The following ZPBP variants were observed in gnomAD, a reference collection of about 807,000 sequenced individuals.
The protein encoded by ZPBP is zona pellucida-binding protein 1.
Under a neutral mutation model 44.8 loss-of-function variants are expected in ZPBP, and 26 were observed. The ratio of observed to expected loss-of-function variants is 0.58; its 90% confidence interval spans 0.43 to 0.81. ZPBP has a LOEUF of 0.81. Ranked by LOEUF, ZPBP falls within the 30% of genes least tolerant of loss-of-function variation. The pLI is 0.00. For synonymous variants in ZPBP, 174 were observed against 153.2 expected, an observed-to-expected ratio of 1.14 and a Z score of -1.00; for missense variants, 409 against 434.0, an observed-to-expected ratio of 0.94 and a Z score of 0.51.
intron 2 of ZPBP, among the ~76,000 whole-genome samples, chr7:49,888,096 G>A (rs997310997): frequency 6.6e-6 from 1 of 152,196 alleles, no homozygotes; most frequent in Non-Finnish European, 1.5e-5. Context: ...ACTCTTCTCA[G>A]CCTCTTCAGT....
intron 6 of ZPBP, among the ~76,000 whole-genome samples, chr7:49,990,022 T>A (rs1797490034): frequency 6.6e-6 from 1 of 152,108 alleles, no homozygotes; most frequent in African/African-American, 2.4e-5. Context: ...CAGTTTATGA[T>A]AAAGAGTCCC....
chr7:49,990,086 A>G (rs911616768), intron 6 of ZPBP, among the ~76,000 whole-genome samples: 1 of 152,204 alleles, frequency 6.6e-6, no homozygotes, highest in Non-Finnish European at 1.5e-5. Context: ...TCAAAGCCCT[A>G]GGAAAGAAAA....
At chr7:49,870,066 A>G (rs985231188) in intron 2 of ZPBP, among the ~76,000 whole-genome samples, 4 of 152,226 alleles carry the variant, frequency 2.6e-5, no homozygotes, top group Non-Finnish European at 5.9e-5. Flanking sequence ...AGAAGACAGA[A>G]GTGTAGTACT....
intron 2 of ZPBP, among the ~76,000 whole-genome samples, chr7:49,877,429 T>TC (rs773889164): frequency 2.8e-4 from 32 of 115,970 alleles, no homozygotes; most frequent in Non-Finnish European, 4.8e-4. Flanking sequence ...ACCATTGCAT[T>TC]CCAGCCTGGG....
chr7:49,935,853 T>C (rs963430329), downstream of ZPBP: 2 of 152,208 alleles, frequency 1.3e-5, no homozygotes, highest in Non-Finnish European at 2.9e-5. Context: ...TCTCCTCTTA[T>C]CTGGGGTCAC....
At chr7:49,986,550 A>C (rs942513602) in intron 6 of ZPBP, among the ~76,000 whole-genome samples, 2 of 152,196 alleles carry the variant, frequency 1.3e-5, no homozygotes, top group East Asian at 3.9e-4. Flanking sequence ...ACAGCAATTA[A>C]GTTTCCCTCC....
chr7:50,089,789 T>C lies in ZPBP; in HGVS notation c.128-80A>G, dbSNP rs1460682321. 11 of 1,135,344 alleles carry C rather than the reference T, an allele frequency of 9.7e-6. No homozygotes were observed. The Admixed American group carries it at 1.4e-4, about 14-fold the overall frequency. The allele number at this position is 1,135,344 out of a possible 1,614,324, so 70.3% of individuals were successfully genotyped here. On this transcript the variant is annotated intron_variant, in intron 1 of 7. Coordinates refer to ENST00000046087, the MANE Select transcript of ZPBP (RefSeq NM_007009.3). ...ATATACTATTACAGTATCTTTGGTATTGGTTGAAGGGGAGAGCCATAATTC... is the reference window on the plus strand; with the variant it reads ...ATATACTATTACAGTATCTTTGGTACTGGTTGAAGGGGAGAGCCATAATTC...
At chr7:50,030,980 G>A (rs1799580064) in intron 5 of ZPBP, 112 bp downstream of exon 5, 1 of 870,268 alleles carries the variant, frequency 1.1e-6, no homozygotes, top group African/African-American at 1.7e-5. Flanking sequence ...AATATATTTG[G>A]ATGTATGGTG....
chr7:49,875,046 T>G (rs1456602129), intron 2 of ZPBP, among the ~76,000 whole-genome samples: 2 of 151,480 alleles, frequency 1.3e-5, no homozygotes, highest in Admixed American at 6.6e-5. Flanking sequence ...AACTTGTTTC[T>G]GTGAAAAAAA....
At chr7:50,021,079 A>C (rs965445163) in intron 5 of ZPBP, among the ~76,000 whole-genome samples, 1 of 152,106 alleles carries the variant, frequency 6.6e-6, no homozygotes. Context: ...TATCCATTAC[A>C]ATATTTTAAA....
intron 7 of ZPBP, among the ~76,000 whole-genome samples, chr7:49,981,651 T>TAGTATATAA (rs1562820427): frequency 6.4e-5 from 3 of 46,646 alleles, no homozygotes; most frequent in African/African-American, 3.6e-4. Context: ...ATATAATATC[T>TAGTATATAA]TGATATAAAA....
At chr7:49,968,918 A>C (rs1796171866) in intron 7 of ZPBP, among the ~76,000 whole-genome samples, 1 of 152,050 alleles carries the variant, frequency 6.6e-6, no homozygotes, top group East Asian at 1.9e-4. Flanking sequence ...TCTCATAGAC[A>C]TAGGATGAAT....
At chr7:49,957,809 C>T (rs1237218758) in intron 7 of ZPBP, among the ~76,000 whole-genome samples, 3 of 152,196 alleles carry the variant, frequency 2.0e-5, no homozygotes, top group African/African-American at 2.4e-5. Flanking sequence ...AGTAGAGCCA[C>T]GAGAGCAAGG....
At position 50,000,419 on chromosome 7, in the gene ZPBP, C is replaced by T. The variant is rs184560918; in HGVS notation, c.784-16900G>A. ...ACTTGTTTAAAGAATTTTTTGATGA[C>T]CGCACCAACTTGATTTATATTCCTA... On this transcript the variant is annotated intron_variant, in intron 6 of 7. Transcript: ENST00000046087. Among the ~76,000 whole-genome samples, 34 of 152,158 alleles carry T rather than the reference C, an allele frequency of 2.2e-4. No homozygotes were observed. The East Asian group carries it at 6.6e-3, about 29-fold the overall frequency.
intron 7 of ZPBP, chr7:49,944,406 T>C (rs1315000924): frequency 5.3e-6 from 1 of 189,606 alleles, no homozygotes; most frequent in Non-Finnish European, 1.1e-5. Context: ...AAGAGGTTGA[T>C]GATGCACTGT....
intron 3 of ZPBP, among the ~76,000 whole-genome samples, chr7:50,063,402 C>T (rs1801344867): frequency 6.6e-6 from 1 of 152,188 alleles, no homozygotes; most frequent in Non-Finnish European, 1.5e-5. Flanking sequence ...CGGAGCTGAG[C>T]TTTTTCTTCT....
intron 4 of ZPBP, among the ~76,000 whole-genome samples, chr7:50,056,607 C>T (rs1429442642): frequency 6.6e-6 from 1 of 152,180 alleles, no homozygotes; most frequent in Non-Finnish European, 1.5e-5. Flanking sequence ...ATGGGTCCCA[C>T]CAGTGAGATG....
At chr7:50,085,505 C>T (rs552480410) in intron 2 of ZPBP, among the ~76,000 whole-genome samples, 1 of 152,136 alleles carries the variant, frequency 6.6e-6, no homozygotes, top group South Asian at 2.1e-4. Flanking sequence ...ACAGTGAGAA[C>T]CAGCAGCCTG....
At chr7:50,081,743 T>C (rs1476365051) in intron 3 of ZPBP, 31 bp downstream of exon 3, 1 of 1,608,054 alleles carries the variant, frequency 6.2e-7, no homozygotes, top group South Asian at 1.1e-5. Context: ...GATACATTTA[T>C]TTAATTACAA....
Sources: allele counts gnomAD v4.1 joint callset (sites outside exome capture counted in the v4.1 genomes callset), GRCh38; gene constraint gnomAD v4.1.1; transcripts MANE v1.5; gene names NCBI Gene and HGNC (gene_info 2026-07-23, HGNC 2026-07-21).